The following RBFOX1 variants were observed in gnomAD, a reference collection of about 807,000 sequenced individuals.
RBFOX1 encodes RNA binding protein fox-1 homolog 1.
In RBFOX1, 8 loss-of-function variants were observed where a neutral mutation model predicts 57.7. That is an observed-to-expected ratio of 0.14 (90% CI 0.08 to 0.25). RBFOX1 has a LOEUF of 0.25. RBFOX1 is among the 10% of genes least tolerant of loss of function. The pLI is 1.00. For missense variants in RBFOX1, 611 were observed against 548.5 expected (o/e 1.11, Z -1.14); for synonymous variants, 326 against 222.4 (o/e 1.47, Z -4.15).
At chr16:6,565,085 T>G (rs1174429894) in intron 2 of RBFOX1, among the ~76,000 whole-genome samples, 1 of 146,266 alleles carries the variant, frequency 6.8e-6, no homozygotes, top group Non-Finnish European at 1.5e-5. Flanking sequence ...GAGCAGAGAT[T>G]GCATCACTGC....
intron 4 of RBFOX1, among the ~76,000 whole-genome samples, chr16:7,500,718 T>C (rs1013377600): frequency 5.3e-5 from 8 of 152,226 alleles, no homozygotes; most frequent in African/African-American, 1.7e-4. Context: ...CAATATTGTA[T>C]GTAAGGCTTA....
intron 3 of RBFOX1, among the ~76,000 whole-genome samples, chr16:6,917,757 C>G (rs1242964225): frequency 1.3e-5 from 2 of 152,196 alleles, no homozygotes; most frequent in Non-Finnish European, 2.9e-5. Context: ...ATTTCATATC[C>G]TCAGGGCTTG....
At chr16:6,297,570 G>T (rs9940672) in intron 1 of RBFOX1, among the ~76,000 whole-genome samples, 1,924 of 152,210 alleles carry the variant, frequency 0.013, 49 homozygotes, top group African/African-American at 0.043. Context: ...GAAATACTGG[G>T]TAGAAGAGGG....
At chr16:7,455,403 C>A (rs1328638373) in intron 4 of RBFOX1, among the ~76,000 whole-genome samples, 1 of 152,168 alleles carries the variant, frequency 6.6e-6, no homozygotes, top group Non-Finnish European at 1.5e-5. Context: ...GCCTTACTCT[C>A]CATGCAAGAA....
At chr16:5,971,943 A>G (rs947101524) in intron 4 of RBFOX1, among the ~76,000 whole-genome samples, 1 of 152,218 alleles carries the variant, frequency 6.6e-6, no homozygotes, top group African/African-American at 2.4e-5. Flanking sequence ...ACAGAGCAGA[A>G]AAACTGAGCT....
intron 3 of RBFOX1, among the ~76,000 whole-genome samples, chr16:6,806,561 G>A (rs1398806731): frequency 6.6e-6 from 1 of 151,798 alleles, no homozygotes; most frequent in Non-Finnish European, 1.5e-5. Flanking sequence ...GAGAAGAAAT[G>A]GATTTTAAAG....
chr16:7,413,390 A>G (rs1193098269), intron 4 of RBFOX1, among the ~76,000 whole-genome samples: 1 of 151,994 alleles, frequency 6.6e-6, no homozygotes. Flanking sequence ...GTTAAAACCT[A>G]GATGTCCAGC....
chr16:7,373,749 C>T (rs532277995), intron 4 of RBFOX1, among the ~76,000 whole-genome samples: 11 of 152,248 alleles, frequency 7.2e-5, no homozygotes, highest in African/African-American at 1.4e-4. Context: ...CAGCTCTTTG[C>T]GCTGATATTG....
intron 4 of RBFOX1, among the ~76,000 whole-genome samples, chr16:7,313,554 A>G (rs1470704394): frequency 6.7e-6 from 1 of 150,188 alleles, no homozygotes; most frequent in Non-Finnish European, 1.5e-5. Context: ...AGCTTGTAAG[A>G]CCATTTAGGT....
intron 14 of RBFOX1, among the ~76,000 whole-genome samples, chr16:7,701,873 A>G (rs556510964): frequency 2.0e-5 from 3 of 152,330 alleles, no homozygotes; most frequent in African/African-American, 7.2e-5. Flanking sequence ...GAATTTCCCA[A>G]TACATCCAAG....
chr16:5,871,036 T>C (rs2057457154), intron 4 of RBFOX1, among the ~76,000 whole-genome samples: 1 of 152,224 alleles, frequency 6.6e-6, no homozygotes, highest in East Asian at 1.9e-4. Flanking sequence ...ACAGTGAATA[T>C]GTGAATAACG....
At chr16:6,806,342 CTA>C (rs966688138) in intron 3 of RBFOX1, among the ~76,000 whole-genome samples, 1 of 152,030 alleles carries the variant, frequency 6.6e-6, no homozygotes, top group Admixed American at 6.6e-5. Flanking sequence ...ATCCAAAAAA[CTA>C]TAGAGTTTTG....
intron 2 of RBFOX1, among the ~76,000 whole-genome samples, chr16:6,450,261 A>G (rs1413617356): frequency 1.3e-5 from 2 of 152,130 alleles, no homozygotes; most frequent in Non-Finnish European, 2.9e-5. Flanking sequence ...GAGGGAAATA[A>G]TAGCTCCCAC....
At chr16:6,042,359 A>C (rs375885709) in intron 1 of RBFOX1, among the ~76,000 whole-genome samples, 4 of 152,178 alleles carry the variant, frequency 2.6e-5, no homozygotes, top group African/African-American at 7.2e-5. Context: ...TCGGTCTCCC[A>C]AAGTGCTGGG....
At chr16:6,620,317 T>C (rs2098209980) in intron 2 of RBFOX1, among the ~76,000 whole-genome samples, 1 of 152,180 alleles carries the variant, frequency 6.6e-6, no homozygotes, top group African/African-American at 2.4e-5. Flanking sequence ...AGATAAAATA[T>C]ACCAGAATCT....
chr16:6,837,348 G>A (rs1164683700), intron 3 of RBFOX1, among the ~76,000 whole-genome samples: 3 of 152,194 alleles, frequency 2.0e-5, no homozygotes, highest in African/African-American at 7.2e-5. Context: ...CTCTGATAAG[G>A]AAGTGGAGTC....
intron 2 of RBFOX1, among the ~76,000 whole-genome samples, chr16:6,639,890 A>C (rs1483750231): frequency 1.3e-5 from 2 of 152,114 alleles, no homozygotes; most frequent in African/African-American, 2.4e-5. Context: ...AAAACAAAAA[A>C]CAAAAAACAA....
intron 3 of RBFOX1, among the ~76,000 whole-genome samples, chr16:5,724,977 T>A (rs886390036): frequency 6.6e-6 from 1 of 152,188 alleles, no homozygotes; most frequent in East Asian, 1.9e-4. Flanking sequence ...GAGGTGTCTC[T>A]GCTCAAACCT....
chr16:5,628,219 T>G (rs2048400686), intron 3 of RBFOX1, among the ~76,000 whole-genome samples: 1 of 152,220 alleles, frequency 6.6e-6, no homozygotes, highest in Non-Finnish European at 1.5e-5. Flanking sequence ...GCCCAGTGTT[T>G]GAGTTGAGGA....
Sources: allele counts gnomAD v4.1 joint callset (sites outside exome capture counted in the v4.1 genomes callset), GRCh38; gene constraint gnomAD v4.1.1; transcripts MANE v1.5; gene names NCBI Gene and HGNC (gene_info 2026-07-23, HGNC 2026-07-21).